Variants in YIPF1 observed in about 807,000 individuals in gnomAD.
YIPF1 encodes Yip1 domain family member 1, also known as protein YIPF1.
In YIPF1, 22 loss-of-function variants were observed where a neutral mutation model predicts 37.0. The observed-to-expected ratio is 0.59, with a 90% CI of 0.42 to 0.85. YIPF1 has a LOEUF of 0.85. Among genes scored for constraint, YIPF1 ranks in the 40% least tolerant of loss-of-function variants. The pLI, the probability that YIPF1 is intolerant of heterozygous loss-of-function variation, is 0.00. For missense variants in YIPF1, 355 were observed against 373.1 expected, an observed-to-expected ratio of 0.95 and a Z score of 0.40; for synonymous variants, 128 against 131.9, an observed-to-expected ratio of 0.97 and a Z score of 0.21.
chr1:53,872,667 G>A (rs1247690730), intron 6 of YIPF1, among the ~76,000 whole-genome samples: 1 of 152,118 alleles, frequency 6.6e-6, no homozygotes, highest in African/African-American at 2.4e-5. Context: ...CAGGTACCTT[G>A]ACACGTCACA....
At chr1:53,855,899 G>A (rs1220531348) in intron 10 of YIPF1, among the ~76,000 whole-genome samples, 1 of 152,162 alleles carries the variant, frequency 6.6e-6, no homozygotes. Context: ...TGTGTTCTAA[G>A]CTAAGCCTTC....
intron 6 of YIPF1, among the ~76,000 whole-genome samples, chr1:53,874,133 C>G (rs371821362): frequency 6.6e-6 from 1 of 152,076 alleles, no homozygotes; most frequent in African/African-American, 2.4e-5. Flanking sequence ...CACTGAACCT[C>G]CACTGCTTAA....
intron 6 of YIPF1, among the ~76,000 whole-genome samples, chr1:53,872,231 C>G (rs1022583267): frequency 2.6e-5 from 4 of 152,030 alleles, no homozygotes; most frequent in Admixed American, 2.6e-4. Context: ...ATCTTTCCTC[C>G]CTAAAGCTCA....
intron 8 of YIPF1, 97 bp downstream of exon 8, chr1:53,866,661 T>C: frequency 7.1e-7 from 1 of 1,413,308 alleles, no homozygotes; most frequent in Non-Finnish European, 9.6e-7. Context: ...ACATGAGTAT[T>C]GCGCTGGAAA....
chr1:53,856,040 G>A (rs1409550352), intron 10 of YIPF1, among the ~76,000 whole-genome samples: 1 of 152,204 alleles, frequency 6.6e-6, no homozygotes, highest in South Asian at 2.1e-4. Flanking sequence ...GATGACAGTA[G>A]AAGGCACAGC....
rs753721247 is a variant in YIPF1 at position 53,860,203 on chromosome 1, G to GT, written c.832-51dup. 19 of 1,588,138 alleles carry GT rather than the reference G, an allele frequency of 1.2e-5. No homozygotes were observed. In the East Asian group the frequency reaches 4.3e-4, roughly 36 times the overall value. On this transcript the variant is annotated intron_variant, in intron 9 of 10. Transcript: ENST00000072644. ...GGGAGTTAAAAAGACAGTGGTCCGG[G>GT]TAAGTGTTTTTTTAGACTCCATGCT...
At chr1:53,886,297 C>T (rs1472675354) in intron 3 of YIPF1, among the ~76,000 whole-genome samples, 1 of 151,868 alleles carries the variant, frequency 6.6e-6, no homozygotes, top group African/African-American at 2.4e-5. Context: ...GTGTGGGCTG[C>T]GTGTACCCCT....
chr1:53,857,203 C>T (rs976524339), intron 10 of YIPF1, among the ~76,000 whole-genome samples: 1 of 152,196 alleles, frequency 6.6e-6, no homozygotes, highest in African/African-American at 2.4e-5. Context: ...AGGTGAGACA[C>T]CAGCCCTGGC....
At position 53,860,096 on chromosome 1, in the gene YIPF1, T is replaced by A; in HGVS notation, c.889A>T (p.Asn297Tyr). 6.2e-7 allele frequency: 1 copy of A among 1,614,162 alleles called. No homozygotes were observed. The highest frequency in any genetic ancestry group is 8.5e-7 in the Non-Finnish European group (1 of 1,180,002). Residue 297 changes from asparagine (N) to tyrosine (Y), a missense_variant, in exon 10 of 11, where the codon AAC becomes TAC. Physicochemically the swap from Asn to Tyr is moderately radical, Grantham distance 143 (BLOSUM62 -2). Transcript: ENST00000072644. ...DHLPTTTATP[N>Y]QTVAAAKSS ...GACTTGGCTGCAGCAACTGTTTGGT[T>A]TGGAGTAGCTGTAGTTGTTGGGAGA...
chr1:53,864,846 C>T (rs901326846), intron 9 of YIPF1, among the ~76,000 whole-genome samples: 7 of 152,174 alleles, frequency 4.6e-5, no homozygotes, highest in African/African-American at 1.7e-4. Flanking sequence ...ATTTACAGGA[C>T]AAGTTCCATG....
Position 53,886,493 on chromosome 1 carries a change from T to C in YIPF1, c.31+2414A>G, listed in dbSNP as rs149159003. ...GAAACAATGCCTTTCACCTGAAGGC[T>C]TCTGACCTCTACTTTTTCATCCAAT... On this transcript the variant is annotated intron_variant, in intron 3 of 10. Coordinates refer to ENST00000072644, the MANE Select transcript of YIPF1 (RefSeq NM_018982.5). 4.7e-4 allele frequency among the ~76,000 whole-genome samples: 72 copies of C among 152,010 alleles called. 2 individuals carry two copies. The East Asian group carries it at 0.013, about 27-fold the overall frequency.
rs1649603607 is a variant in YIPF1, at chr1:53,851,905, CAG to C, written c.*372_*373del. The C allele has an allele frequency of 6.6e-6, 1 of 152,162 alleles. No homozygotes were observed. Among genetic ancestry groups the C allele is most frequent in the Admixed American group, 6.5e-5 (1 of 15,280 alleles). The allele number at this position is 152,162 out of a possible 1,614,324, so 9.4% of individuals were successfully genotyped here. A position where few individuals can be genotyped will look rare whatever the true frequency, so the allele number is the denominator to read the frequency against. On this transcript the variant is annotated 3_prime_UTR_variant, in exon 11 of 11. Transcript: ENST00000072644. ...TCCCCCAGGTAGTCTGTACATAATT[CAG>C]AGAGAGGACATCAGAATTTTCCATG...
intron 6 of YIPF1, among the ~76,000 whole-genome samples, chr1:53,873,202 G>A (rs577279217): frequency 1.3e-5 from 2 of 152,252 alleles, no homozygotes; most frequent in African/African-American, 4.8e-5. Context: ...CATGCACTCC[G>A]GGGAGACGAT....
At chr1:53,859,679 G>C (rs1485876128) in intron 10 of YIPF1, among the ~76,000 whole-genome samples, 1 of 151,940 alleles carries the variant, frequency 6.6e-6, no homozygotes, top group Non-Finnish European at 1.5e-5. Context: ...AAGAAAAAAA[G>C]AAAGTAAGAA....
chr1:53,888,790 A>C (rs754995649), intron 3 of YIPF1, 117 bp downstream of exon 3: 166 of 1,079,618 alleles, frequency 1.5e-4, no homozygotes, highest in Non-Finnish European at 2.0e-4. Context: ...GCCAACAGCC[A>C]CCAAGATGTT....
chr1:53,861,108 GTTGC>G lies in YIPF1; in HGVS notation c.832-959_832-956del, dbSNP rs1649862111. Among the ~76,000 whole-genome samples the G allele has an allele frequency of 2.6e-5, 4 of 152,348 alleles. No individual in the cohort carries two copies. In the South Asian group the frequency reaches 8.3e-4, roughly 32 times the overall value. On this transcript the variant is annotated intron_variant, in intron 9 of 10. Transcript: ENST00000072644. ...AACATGTTGGAGCTCTCCCCTACCT[GTTGC>G]TATTCCATGTTAACTCTTTTTGAAA...
At chr1:53,866,069 G>T in intron 9 of YIPF1, 131 bp downstream of exon 9, 1 of 1,192,164 alleles carries the variant, frequency 8.4e-7, no homozygotes, top group Non-Finnish European at 1.1e-6. Flanking sequence ...CAAAGTATTG[G>T]GATTATGGGT....
chr1:53,885,233 G>A (rs1032384762), intron 3 of YIPF1, among the ~76,000 whole-genome samples: 3 of 152,198 alleles, frequency 2.0e-5, no homozygotes, highest in African/African-American at 7.2e-5. Flanking sequence ...CTTATTGATT[G>A]TACAGGGCAA....
chr1:53,861,583 TG>T (rs1386370496), intron 9 of YIPF1, among the ~76,000 whole-genome samples: 2 of 144,662 alleles, frequency 1.4e-5, no homozygotes, highest in Non-Finnish European at 3.0e-5. Flanking sequence ...AGAGAGAGAT[TG>T]GGTGTGGTGG....
Sources: allele counts gnomAD v4.1 joint callset (sites outside exome capture counted in the v4.1 genomes callset), GRCh38; gene constraint gnomAD v4.1.1; transcripts MANE v1.5; gene names NCBI Gene and HGNC (gene_info 2026-07-23, HGNC 2026-07-21).